SOX5: variants seen among roughly 807,000 people sequenced by gnomAD.
SOX5 encodes transcription factor SOX-5.
In SOX5, 9 loss-of-function variants were observed where a neutral mutation model predicts 92.0. The ratio of observed to expected loss-of-function variants is 0.10; its 90% CI spans 0.06 to 0.17. The LOEUF is 0.17. SOX5 is among the 10% of genes least tolerant of loss of function. The probability of loss-of-function intolerance (pLI) is 1.00; values close to 1 mark genes in which losing one functional copy is unlikely to be tolerated. For missense variants in SOX5, 642 were observed against 944.5 expected, an observed-to-expected ratio of 0.68 and a Z score of 4.20; for synonymous variants, 344 against 336.3, an observed-to-expected ratio of 1.02 and a Z score of -0.25.
In SOX5 at chr12:23,622,521, A is replaced by G. The variant is rs1180354652; in HGVS notation, c.1018-17988T>C. Among the ~76,000 whole-genome samples the G allele has an allele frequency of 1.8e-4, 19 of 107,960 alleles. 1 individual carries two copies. The allele number at this position is 107,960 out of a possible 152,430, so 70.8% of individuals were successfully genotyped here. Reference sequence around the variant, plus strand: ...AGATCTCAGCGAATTTGAAAATAAAAAGGGTGATTTTTTTAAAATGAAGAA... The same window carrying G: ...AGATCTCAGCGAATTTGAAAATAAAGAGGGTGATTTTTTTAAAATGAAGAA... On this transcript the variant is annotated intron_variant, in intron 8 of 14. Transcript: ENST00000451604.
At chr12:23,583,912 C>T (rs145723138) in intron 9 of SOX5, among the ~76,000 whole-genome samples, 7 of 152,030 alleles carry the variant, frequency 4.6e-5, no homozygotes, top group African/African-American at 1.4e-4. Context: ...AAGAACTACA[C>T]AACTGTTTAA....
chr12:23,932,433 G>A (rs116636551), intron 1 of SOX5, among the ~76,000 whole-genome samples: 1,867 of 151,670 alleles, frequency 0.012, 40 homozygotes, highest in African/African-American at 0.042. Context: ...TAGAAAATGT[G>A]AATATGAACT....
intron 6 of SOX5, among the ~76,000 whole-genome samples, chr12:23,695,677 C>G (rs1190377258): frequency 2.0e-5 from 3 of 152,074 alleles, no homozygotes; most frequent in Non-Finnish European, 2.9e-5. Flanking sequence ...CGCAGTGGCT[C>G]ACGCCTGTAA....
At chr12:24,349,115 G>T (rs1370406351) in intron 2 of SOX5, among the ~76,000 whole-genome samples, 2 of 152,134 alleles carry the variant, frequency 1.3e-5, no homozygotes, top group Non-Finnish European at 2.9e-5. Flanking sequence ...TAGATTTGTG[G>T]ATCCCTCTGT....
intron 6 of SOX5, among the ~76,000 whole-genome samples, chr12:23,707,496 G>A (rs565311532): frequency 1.3e-5 from 2 of 152,216 alleles, no homozygotes; most frequent in African/African-American, 4.8e-5. Flanking sequence ...AGGAAACTCT[G>A]CATTCTGATA....
At chr12:24,055,322 C>T (rs1178993944) in intron 4 of SOX5, among the ~76,000 whole-genome samples, 2 of 152,180 alleles carry the variant, frequency 1.3e-5, no homozygotes, top group Admixed American at 1.3e-4. Flanking sequence ...TACAATATGG[C>T]AGGGGTCCCT....
chr12:23,774,981 G>T (rs1295025111), intron 3 of SOX5, among the ~76,000 whole-genome samples: 2 of 152,058 alleles, frequency 1.3e-5, no homozygotes, highest in East Asian at 3.8e-4. Context: ...CCTTTTGTAT[G>T]TATGCAAAAT....
chr12:24,321,140 C>G (rs1180970307), intron 2 of SOX5, among the ~76,000 whole-genome samples: 2 of 152,128 alleles, frequency 1.3e-5, no homozygotes, highest in Non-Finnish European at 2.9e-5. Flanking sequence ...TCTGGATTAT[C>G]AGACAGGTTT....
chr12:24,205,177 CTTAAG>C (rs1190529592), intron 4 of SOX5, among the ~76,000 whole-genome samples: 2 of 152,170 alleles, frequency 1.3e-5, no homozygotes, highest in Non-Finnish European at 2.9e-5. Flanking sequence ...GCATACAGTA[CTTAAG>C]TTATCTGCTT....
intron 1 of SOX5, among the ~76,000 whole-genome samples, chr12:24,533,340 C>T (rs1298377196): frequency 1.3e-5 from 2 of 152,160 alleles, no homozygotes; most frequent in Non-Finnish European, 2.9e-5. Flanking sequence ...ATGTTAAGTT[C>T]TCACATACAC....
intron 6 of SOX5, among the ~76,000 whole-genome samples, chr12:23,674,933 TTGCCATTTGGTG>T (rs2085420042): frequency 6.6e-6 from 1 of 152,146 alleles, no homozygotes; most frequent in Non-Finnish European, 1.5e-5. Flanking sequence ...AACATAGTAA[TTGCCATTTGGTG>T]TTAATTTCTT....
chr12:24,231,705 G>C (rs1300841322), intron 3 of SOX5, among the ~76,000 whole-genome samples: 2 of 152,170 alleles, frequency 1.3e-5, no homozygotes, highest in Admixed American at 6.5e-5. Context: ...GCATAAAAGA[G>C]TAGGCATGAA....
In SOX5 at chr12:24,141,623, T is replaced by C. The variant is rs148834733; in HGVS notation, c.-2+71720A>G. Among the ~76,000 whole-genome samples the C allele has an allele frequency of 3.7e-3, 565 of 152,318 alleles. 6 individuals carry two copies. Among genetic ancestry groups the C allele is most frequent in the African/African-American group, 0.013 (544 of 41,566 alleles). On this transcript the variant is annotated intron_variant, in intron 4 of 4. Transcript: ENST00000446891. ...TCAAGACGGACACTCACTGTCCCAATGGACGGGTACCCTCTCTTGCACTAG... is the reference window on the plus strand; with the variant it reads ...TCAAGACGGACACTCACTGTCCCAACGGACGGGTACCCTCTCTTGCACTAG...
chr12:23,758,214 T>C (rs1264827355), intron 3 of SOX5, among the ~76,000 whole-genome samples: 1 of 151,868 alleles, frequency 6.6e-6, no homozygotes, highest in Non-Finnish European at 1.5e-5. Context: ...GAAACTATGC[T>C]AGAGGTTTTT....
intron 8 of SOX5, among the ~76,000 whole-genome samples, chr12:23,611,951 CA>C (rs1272725304): frequency 8.6e-5 from 13 of 150,516 alleles, no homozygotes; most frequent in Non-Finnish European, 1.8e-4. Flanking sequence ...ATTAAGATTA[CA>C]ACTGAAATAT....
At chr12:23,913,586 A>G (rs927067160) in intron 1 of SOX5, among the ~76,000 whole-genome samples, 2 of 152,002 alleles carry the variant, frequency 1.3e-5, no homozygotes, top group Non-Finnish European at 2.9e-5. Flanking sequence ...AAATACAAAA[A>G]TTAGCCAGGT....
Position 23,534,070 on chromosome 12 carries a change from C to G in SOX5, c.*149G>C. 1 of 665,282 alleles carries G rather than the reference C, an allele frequency of 1.5e-6. No individual in the cohort carries two copies. The allele number at this position is 665,282 out of a possible 1,614,324, so 41.2% of individuals were successfully genotyped here. A position where few individuals can be genotyped will look rare whatever the true frequency, so the allele number is the denominator to read the frequency against. On this transcript the variant is annotated 3_prime_UTR_variant, in exon 15 of 15. Transcript: ENST00000451604. ...TTTCCAAGCCTTTTGAGGCTGAGGTCTATTAGTCAGCTGATGTCCCAACTA... is the reference window on the plus strand; with the variant it reads ...TTTCCAAGCCTTTTGAGGCTGAGGTGTATTAGTCAGCTGATGTCCCAACTA...
At chr12:23,787,174 A>G (rs1034927260) in intron 3 of SOX5, among the ~76,000 whole-genome samples, 2 of 152,014 alleles carry the variant, frequency 1.3e-5, no homozygotes, top group African/African-American at 4.8e-5. Context: ...AGCATTAGAT[A>G]CTCATTAAAA....
intron 7 of SOX5, among the ~76,000 whole-genome samples, chr12:23,654,176 G>A (rs2139127971): frequency 6.6e-6 from 1 of 152,170 alleles, no homozygotes; most frequent in South Asian, 2.1e-4. Context: ...GGACAGAGAG[G>A]CCTAGAATTT....
Sources: allele counts gnomAD v4.1 joint callset (sites outside exome capture counted in the v4.1 genomes callset), GRCh38; gene constraint gnomAD v4.1.1; transcripts MANE v1.5; gene names NCBI Gene and HGNC (gene_info 2026-07-23, HGNC 2026-07-21).